CADM2: variants seen among roughly 807,000 people sequenced by gnomAD.
CADM2 encodes the protein immunoglobulin superfamily member 4D.
A neutral mutation model predicts 49.8 loss-of-function variants in CADM2; 12 were observed. That is an observed-to-expected ratio of 0.24 (90% CI 0.15 to 0.39). The LOEUF is 0.39. Ranked by LOEUF, CADM2 falls within the 10% of genes least tolerant of loss-of-function variation. The pLI, the probability that CADM2 is intolerant of heterozygous loss-of-function variation, is 1.00. For synonymous variants in CADM2, 214 were observed against 175.4 expected (o/e 1.22, Z -1.74); for missense variants, 378 against 492.3 (o/e 0.77, Z 2.20).
chr3:85,839,339 C>T (rs2074541118), intron 3 of CADM2, among the ~76,000 whole-genome samples: 2 of 151,716 alleles, frequency 1.3e-5, no homozygotes, highest in African/African-American at 2.4e-5. Context: ...ATGAAAATTC[C>T]TATTTTTATA....
intron 1 of CADM2, among the ~76,000 whole-genome samples, chr3:85,458,985 A>G (rs2038117449): frequency 6.6e-6 from 1 of 152,226 alleles, no homozygotes; most frequent in African/African-American, 2.4e-5. Context: ...GACAATTCAA[A>G]GAAAATCATA....
chr3:85,730,117 G>A (rs1446443731), intron 2 of CADM2, among the ~76,000 whole-genome samples: 1 of 152,116 alleles, frequency 6.6e-6, no homozygotes, highest in South Asian at 2.1e-4. Context: ...TATCCCTATA[G>A]TGTCTTTTGC....
chr3:85,679,668 C>T (rs935232458), intron 1 of CADM2, among the ~76,000 whole-genome samples: 3 of 152,126 alleles, frequency 2.0e-5, no homozygotes, highest in Admixed American at 2.0e-4. Context: ...GAGTTGCTTC[C>T]AATCGCAGAA....
At chr3:85,056,601 G>C (rs1257029806) in intron 1 of CADM2, among the ~76,000 whole-genome samples, 1 of 152,054 alleles carries the variant, frequency 6.6e-6, no homozygotes, top group Non-Finnish European at 1.5e-5. Context: ...AATTTGCAAA[G>C]CATTGTTTGG....
chr3:85,921,203 T>C (rs1719056797), intron 6 of CADM2, among the ~76,000 whole-genome samples: 1 of 152,024 alleles, frequency 6.6e-6, no homozygotes, highest in African/African-American at 2.4e-5. Flanking sequence ...ACTTTATGTC[T>C]ATTTTTAAAA....
intron 1 of CADM2, among the ~76,000 whole-genome samples, chr3:84,999,990 T>C (rs946892551): frequency 2.0e-5 from 3 of 152,172 alleles, no homozygotes; most frequent in African/African-American, 7.2e-5. Flanking sequence ...AAAATATTTC[T>C]GAAGAATTTA....
intron 1 of CADM2, among the ~76,000 whole-genome samples, chr3:85,216,567 G>A (rs2041934638): frequency 6.6e-6 from 1 of 151,796 alleles, no homozygotes; most frequent in Admixed American, 6.6e-5. Context: ...CAATAAAGCT[G>A]CTTTTTCAGA....
At chr3:85,524,557 T>C (rs2061115001) in intron 1 of CADM2, among the ~76,000 whole-genome samples, 1 of 152,212 alleles carries the variant, frequency 6.6e-6, no homozygotes, top group South Asian at 2.1e-4. Flanking sequence ...GCACGTGTTC[T>C]ATCTTCATAA....
At chr3:85,752,472 GCACACACACA>G (rs3044028) in intron 2 of CADM2, among the ~76,000 whole-genome samples, 15 of 147,898 alleles carry the variant, frequency 1.0e-4, no homozygotes, top group Non-Finnish European at 1.6e-4. Flanking sequence ...ATGTGTGCGT[GCACACACACA>G]CACACACACA....
intron 1 of CADM2, among the ~76,000 whole-genome samples, chr3:85,392,588 C>G (rs1469082249): frequency 1.3e-5 from 2 of 152,038 alleles, no homozygotes; most frequent in African/African-American, 4.8e-5. Flanking sequence ...TGATAACCTT[C>G]TATTTATTAT....
intron 8 of CADM2, among the ~76,000 whole-genome samples, chr3:86,038,628 T>C (rs6785644): frequency 0.18 from 27,305 of 152,210 alleles, 2,502 homozygotes; most frequent in South Asian, 0.24. Flanking sequence ...AAATTACTTA[T>C]AATTCTACAT....
intron 1 of CADM2, among the ~76,000 whole-genome samples, chr3:85,133,788 G>C (rs966129273): frequency 2.6e-5 from 4 of 152,246 alleles, no homozygotes; most frequent in African/African-American, 9.6e-5. Flanking sequence ...CAGGAGCCCA[G>C]CTGGCTTCAC....
At chr3:85,701,240 T>C (rs1042653709) in intron 1 of CADM2, among the ~76,000 whole-genome samples, 3 of 152,154 alleles carry the variant, frequency 2.0e-5, no homozygotes, top group African/African-American at 4.8e-5. Context: ...ACCAAAGTGA[T>C]GGTGCTAAAC....
chr3:85,447,027 TATATG>T, intron 1 of CADM2, among the ~76,000 whole-genome samples: 1 of 141,306 alleles, frequency 7.1e-6, no homozygotes, highest in Admixed American at 7.1e-5. Flanking sequence ...TATATATATA[TATATG>T]CTTAGTATAT....
intron 3 of CADM2, among the ~76,000 whole-genome samples, chr3:85,848,344 C>T (rs909911011): frequency 6.6e-6 from 1 of 152,004 alleles, no homozygotes; most frequent in African/African-American, 2.4e-5. Flanking sequence ...TATTATTTTC[C>T]TTATTTCTCC....
chr3:85,209,002 A>G (rs1206550038), intron 1 of CADM2, among the ~76,000 whole-genome samples: 1 of 152,166 alleles, frequency 6.6e-6, no homozygotes, highest in Non-Finnish European at 1.5e-5. Context: ...GAACATATTA[A>G]ATTAAGCTTT....
chr3:86,027,790 A>T (rs1734077029), intron 8 of CADM2: 1 of 152,074 alleles, frequency 6.6e-6, no homozygotes, highest in South Asian at 2.1e-4. Context: ...TTATAACGAT[A>T]TGAGTAGTTA....
chr3:85,504,341 G>C lies in CADM2; in HGVS notation c.62-222181G>C, dbSNP rs1203506115. On this transcript the variant is annotated intron_variant, in intron 1 of 9. Coordinates refer to ENST00000383699, the MANE Select transcript of CADM2 (RefSeq NM_001167675.2). Reference sequence around the variant, plus strand: ...CCTTCGCGGTGTTACAGCTCATAAAGGCAGTGTGGACCCAAAGAGTGAGCA... The same window carrying C: ...CCTTCGCGGTGTTACAGCTCATAAACGCAGTGTGGACCCAAAGAGTGAGCA... 3.9e-5 allele frequency among the ~76,000 whole-genome samples: 6 copies of C among 152,132 alleles called. 1 individual carries two copies. The highest frequency in any genetic ancestry group is 8.8e-5 in the Non-Finnish European group (6 of 68,032).
chr3:85,136,190 A>G (rs1397989605), intron 1 of CADM2, among the ~76,000 whole-genome samples: 2 of 151,950 alleles, frequency 1.3e-5, no homozygotes, highest in African/African-American at 2.4e-5. Flanking sequence ...CTTCATTTTG[A>G]GGAAATTGGA....
Sources: allele counts gnomAD v4.1 joint callset (sites outside exome capture counted in the v4.1 genomes callset), GRCh38; gene constraint gnomAD v4.1.1; transcripts MANE v1.5; gene names NCBI Gene and HGNC (gene_info 2026-07-23, HGNC 2026-07-21).